Variants in PLD2 observed in about 807,000 individuals in gnomAD.
PLD2 encodes choline phosphatase 2.
A neutral mutation model predicts 119.8 loss-of-function variants in PLD2; 101 were observed. The ratio of observed to expected loss-of-function variants is 0.84; its 90% CI spans 0.72 to 0.99. The LOEUF is 0.99. Ranked by LOEUF, PLD2 falls within the 50% of genes least tolerant of loss-of-function variation. The probability of loss-of-function intolerance (pLI) is 0.00; values close to 1 mark genes in which losing one functional copy is unlikely to be tolerated. For synonymous variants in PLD2, 494 were observed against 482.8 expected, an observed-to-expected ratio of 1.02 and a Z score of -0.30; for missense variants, 1,164 against 1,226.8, an observed-to-expected ratio of 0.95 and a Z score of 0.76.
At position 4,819,493 on chromosome 17, in the gene PLD2, C is replaced by G. The variant is rs768926191; in HGVS notation, c.2373C>G (p.Ile791Met). The G allele has an allele frequency of 3.1e-6, 5 of 1,614,052 alleles. No homozygotes were observed. Among genetic ancestry groups the G allele is most frequent in the Non-Finnish European group, 4.2e-6 (5 of 1,180,000 alleles). The change falls in exon 23 of 25, where the codon ATC becomes ATG. Residue 791 changes from isoleucine to methionine, a missense_variant. Ile to Met is a conservative substitution (Grantham distance 10, BLOSUM62 1). Transcript: ENST00000263088. This position sits in a 1 kb window ranked among gnomAD's most constrained non-coding sequence, Gnocchi z 4.2. ...GGGACAGTGAGCTGGCCGTGCTGAT[C>G]GAGGACACAGAGACGGAACCATCCC... ...GKRDSELAVL[I>M]EDTETEPSLM...
chr17:4,809,560 C>T lies in PLD2; in HGVS notation c.614+9C>T. 1 of 1,605,616 alleles carries T rather than the reference C, an allele frequency of 6.2e-7. No individual in the cohort carries two copies. On this transcript the variant is annotated intron_variant, in intron 7 of 24. Transcript: ENST00000263088. ...TTGGGCCGCAAAGGACTGTGAGTGT[C>T]TGGCCCCCTTCACCCAGGCATCCGT... is the stretch of plus-strand genomic sequence containing the variant.
chr17:4,822,503 AGAG>A (rs1350928092), intron 24 of PLD2, 134 bp from the exon 25 acceptor site: 13 of 506,202 alleles, frequency 2.6e-5, no homozygotes, highest in Non-Finnish European at 3.8e-5. Flanking sequence ...AAAAAAAAAA[AGAG>A]AGAGAGAGTT....
At chr17:4,822,050 T>G in intron 24 of PLD2, 143 bp downstream of exon 24, 1 of 611,468 alleles carries the variant, frequency 1.6e-6, no homozygotes, top group Non-Finnish European at 2.9e-6. Context: ...ATCAAGAGAT[T>G]TAGTGGCCCA....
chr17:4,810,831 G>A lies in PLD2; in HGVS notation c.890G>A (p.Arg297Gln), dbSNP rs778974047. ...RSLILKCSSY[R>Q]QARWWAQEIT... The stretch of plus-strand genomic sequence containing the variant: ...TTGATTCTCAAGTGCAGCAGCTACC[G>A]GCAGGCACGGTGGTGGGCCCAAGAG... Residue 297 changes from arginine to glutamine, a missense_variant, in exon 10 of 25, where the codon CGG becomes CAG. Transcript: ENST00000263088. 32 of 1,613,094 alleles carry A rather than the reference G, an allele frequency of 2.0e-5. No homozygotes were observed. Among genetic ancestry groups the A allele is most frequent in the South Asian group, 5.5e-5 (5 of 90,982 alleles).
At chr17:4,822,188 CA>C (rs140095160) in intron 24 of PLD2, among the ~76,000 whole-genome samples, 1 of 151,826 alleles carries the variant, frequency 6.6e-6, no homozygotes. Flanking sequence ...ACTAAAAATA[CA>C]AAAAAATTAG....
rs765430869 is a variant in PLD2 at position 4,818,857 on chromosome 17, G to C, written c.2173+34G>C. ...TGGGGGCTGGGGGCTCAAGCCCTGGGCCCCTGGGAGAGGGAGATTGGGGCG... is the reference window on the plus strand; with the variant it reads ...TGGGGGCTGGGGGCTCAAGCCCTGGCCCCCTGGGAGAGGGAGATTGGGGCG... On this transcript the variant is annotated intron_variant, in intron 21 of 24. Coordinates refer to ENST00000263088, the MANE Select transcript of PLD2 (RefSeq NM_002663.5). The C allele has an allele frequency of 1.0e-5, 16 of 1,606,932 alleles. No homozygotes were observed. In the South Asian group the frequency reaches 1.4e-4, roughly 14 times the overall value.
chr17:4,815,727 T>A, intron 13 of PLD2, 37 bp from the exon 14 acceptor site: 1 of 1,609,302 alleles, frequency 6.2e-7, no homozygotes, highest in Non-Finnish European at 8.5e-7. Context: ...TTCCTTCACC[T>A]AAACCCACCC....
rs577326606 is a variant in PLD2 at position 4,818,612 on chromosome 17, C to T, written c.2123+5C>T. The T allele has an allele frequency of 1.3e-5, 21 of 1,600,322 alleles. No individual in the cohort carries two copies. The highest frequency in any genetic ancestry group is 1.0e-4 in the Admixed American group (6 of 59,956). On this transcript the variant is annotated splice_donor_5th_base_variant and intron_variant, in intron 20 of 24. Transcript: ENST00000263088. ...CATTCTGCACTTTACTTACAGGTGA[C>T]CCCCCAGGCGGACTCCAGCTCTCAG...
rs202133931 is a variant in PLD2 at position 4,814,731 on chromosome 17, C to T, written c.1173+20C>T. The stretch of plus-strand genomic sequence containing the variant: ...AAGGCGGTGAGGAGAGTGGTCAGGC[C>T]GCAGGGGGAGGGGGTTGCCTGTGGG... On this transcript the variant is annotated intron_variant, in intron 12 of 24. Coordinates refer to ENST00000263088, the MANE Select transcript of PLD2 (RefSeq NM_002663.5). 3.5e-5 allele frequency: 56 copies of T among 1,610,542 alleles called. No homozygotes were observed. Among genetic ancestry groups the T allele is most frequent in the East Asian group, 2.5e-4 (11 of 44,844 alleles).
At chr17:4,813,406 AC>A (rs1387366671) in intron 10 of PLD2, among the ~76,000 whole-genome samples, 2 of 152,214 alleles carry the variant, frequency 1.3e-5, no homozygotes, top group African/African-American at 2.4e-5. Context: ...TTCACTTAAT[AC>A]CTGTGTGAGA....
In PLD2 at chr17:4,819,190, C is replaced by T. The variant is rs186092483; in HGVS notation, c.2280C>T (p.Leu760=). The part of the protein sequence containing the change: ...SELIYIHSKV[L]IADDRTVIIG... ...TCATCTACATCCACAGCAAGGTGCT[C>T]ATCGCAGATGACCGGACAGTCATCA... is the stretch of plus-strand genomic sequence containing the variant. The change falls in exon 22 of 25, where the codon CTC becomes CTT. Residue 760 remains leucine (L), a synonymous_variant. Coordinates refer to ENST00000263088, the MANE Select transcript of PLD2 (RefSeq NM_002663.5). This position sits in a 1 kb window ranked among gnomAD's most constrained non-coding sequence, Gnocchi z 4.2. 1.5e-4 allele frequency: 245 copies of T among 1,614,146 alleles called. 2 individuals carry two copies. The Admixed American group carries it at 3.8e-3, about 25-fold the overall frequency.
At chr17:4,818,236 G>A in intron 18 of PLD2, 61 bp from the exon 19 acceptor site, 3 of 1,503,084 alleles carry the variant, frequency 2.0e-6, no homozygotes, top group Non-Finnish European at 2.8e-6. Flanking sequence ...GACCAAGGCT[G>A]GAGGCCGAGG....
chr17:4,808,093 A>T lies in PLD2; in HGVS notation c.219A>T (p.Glu73Asp). The T allele has an allele frequency of 6.2e-7, 1 of 1,611,122 alleles. No homozygotes were observed. The highest frequency in any genetic ancestry group is 8.5e-7 in the Non-Finnish European group (1 of 1,177,646). Residue 73 changes from glutamate (E) to aspartate (D), a missense_variant, in exon 3 of 25, where the codon GAA (glutamate) becomes GAT (aspartate). By Grantham distance (45) the Glu-to-Asp change is conservative. Transcript: ENST00000263088. The surrounding 1 kb of genome is among the most constrained non-coding windows in gnomAD (Gnocchi z 4.1). ...VPVTAQVVGT[E>D]RYTSGSKVGT... ...TCACAGCCCAGGTGGTGGGCACCGA[A>T]AGATATACCAGCGGATCCAAGGTGG...
At position 4,809,915 on chromosome 17, in the gene PLD2, G is replaced by A. The variant is rs748388055; in HGVS notation, c.746G>A (p.Cys249Tyr). Residue 249 changes from cysteine to tyrosine, a missense_variant, in exon 9 of 25, where the codon TGC (cysteine) becomes TAC (tyrosine). Physicochemically the swap from Cys to Tyr is radical, Grantham distance 194. Transcript: ENST00000263088. ...VVKDSFLLYM[C>Y]LETGAISFVQ... is the part of the protein sequence containing the mutation. ...AAGGACTCCTTCCTGCTGTACATGT[G>A]CCTCGAGACAGGTGCCATCTCATTT... 4.3e-6 allele frequency: 7 copies of A among 1,614,090 alleles called. No individual in the cohort carries two copies. In the Admixed American group the frequency reaches 1.2e-4, roughly 27 times the overall value.
rs1401449440 is a variant in PLD2, at chr17:4,808,485, C to T, written c.383+69C>T. The T allele has an allele frequency of 2.0e-6, 3 of 1,504,492 alleles. No homozygotes were observed. Among genetic ancestry groups the T allele is most frequent in the Non-Finnish European group, 2.7e-6 (3 of 1,095,850 alleles). The allele number at this position is 1,504,492 out of a possible 1,614,324, so 93.2% of individuals were successfully genotyped here. ...CACCCTCCTTTCTGTCTGTCTCACC[C>T]CGGGGCCACAACCTTTCCTCCCTGC... On this transcript the variant is annotated intron_variant, in intron 4 of 24. Coordinates refer to ENST00000263088, the MANE Select transcript of PLD2 (RefSeq NM_002663.5). This position sits in a 1 kb window ranked among gnomAD's most constrained non-coding sequence, Gnocchi z 4.1.
At position 4,818,546 on chromosome 17, in the gene PLD2, G is replaced by T; in HGVS notation, c.2062G>T (p.Glu688Ter). ...YVLLPLLPGF[E>*]GDISTGGGNS... ...GCTTTTGCCCTTACTCCCTGGCTTC[G>T]AGGGTGACATCTCCACGGGCGGTGG... is the stretch of plus-strand genomic sequence containing the variant. Residue 688 changes from glutamate (E) to a stop codon, truncating the protein, a stop_gained, in exon 20 of 25, where the codon GAG becomes TAG. Coordinates refer to ENST00000263088, the MANE Select transcript of PLD2 (RefSeq NM_002663.5). LOFTEE classifies it high-confidence loss of function. 6.2e-7 allele frequency: 1 copy of T among 1,614,002 alleles called. No individual in the cohort carries two copies. The highest frequency in any genetic ancestry group is 8.5e-7 in the Non-Finnish European group (1 of 1,179,988).
rs1251892742 is a variant in PLD2 at position 4,819,239 on chromosome 17, T to A, written c.2308+21T>A. The A allele has an allele frequency of 6.2e-7, 1 of 1,613,120 alleles. No homozygotes were observed. Among genetic ancestry groups the A allele is most frequent in the Admixed American group, 1.7e-5 (1 of 59,976 alleles). ...CATTGGTCAGTGCCGGATCTAGTCCTCTGGCAGGGAGAGGGTGTGGGGACA... is the reference window on the plus strand; with the variant it reads ...CATTGGTCAGTGCCGGATCTAGTCCACTGGCAGGGAGAGGGTGTGGGGACA... On this transcript the variant is annotated intron_variant, in intron 22 of 24. Transcript: ENST00000263088. This position sits in a 1 kb window ranked among gnomAD's most constrained non-coding sequence, Gnocchi z 4.2.
intron 12 of PLD2, among the ~76,000 whole-genome samples, chr17:4,815,272 G>A (rs1906854700): frequency 6.6e-6 from 1 of 152,004 alleles, no homozygotes; most frequent in African/African-American, 2.4e-5. Flanking sequence ...AGGGTGGGTG[G>A]ATAGATGTGT....
intron 14 of PLD2, 60 bp from the exon 15 acceptor site, chr17:4,816,560 T>TG: frequency 2.5e-6 from 4 of 1,575,004 alleles, no homozygotes; most frequent in Non-Finnish European, 3.5e-6. Context: ...TCTTTGGCCC[T>TG]GGCTCTGTAC....
Sources: allele counts gnomAD v4.1 joint callset (sites outside exome capture counted in the v4.1 genomes callset), GRCh38; gene constraint gnomAD v4.1.1; non-coding constraint Gnocchi (gnomAD v3.1); transcripts MANE v1.5; gene names NCBI Gene and HGNC (gene_info 2026-07-23, HGNC 2026-07-21).